Variants in ZDHHC2 observed in about 807,000 individuals in gnomAD.
The protein encoded by ZDHHC2 is palmitoyltransferase ZDHHC2.
Under a neutral mutation model 55.6 loss-of-function variants are expected in ZDHHC2, and 51 were observed. The ratio of observed to expected loss-of-function variants is 0.92; its 90% confidence interval spans 0.73 to 1.16. ZDHHC2 has a LOEUF of 1.16. Among genes scored for constraint, ZDHHC2 ranks in the 50% most tolerant of loss-of-function variants. ZDHHC2 has a pLI of 0.00. For synonymous variants in ZDHHC2, 199 were observed against 152.9 expected, an observed-to-expected ratio of 1.30 and a Z score of -2.22; for missense variants, 491 against 442.4, an observed-to-expected ratio of 1.11 and a Z score of -0.99.
intron 6 of ZDHHC2, among the ~76,000 whole-genome samples, chr8:17,199,595 CTTCTTTATTCTTT>C (rs1563161615): frequency 1.3e-3 from 49 of 39,096 alleles, no homozygotes; most frequent in Non-Finnish European, 4.5e-3. Context: ...CTTCTTTCTT[CTTCTTTATTCTTT>C]CTTCTTCTTC....
chr8:17,172,888 C>T lies in ZDHHC2; in HGVS notation c.131-11901C>T, dbSNP rs1349195250. 2.0e-5 allele frequency among the ~76,000 whole-genome samples: 3 copies of T among 152,284 alleles called. No homozygotes were observed. The East Asian group carries it at 5.8e-4, about 29-fold the overall frequency. ...AGGAACCCAGAGCCCGGTTCCTCCC[C>T]AAATTCTTGAAGTGGGATGGTTAGG... is the stretch of plus-strand genomic sequence containing the variant. On this transcript the variant is annotated intron_variant, in intron 1 of 12. Coordinates refer to ENST00000262096, the MANE Select transcript of ZDHHC2 (RefSeq NM_016353.5).
rs977033445 is a variant in ZDHHC2, at chr8:17,221,518, C to G, written c.*1297C>G. 24 of 152,296 alleles carry G rather than the reference C, an allele frequency of 1.6e-4. No homozygotes were observed. The highest frequency in any genetic ancestry group is 5.6e-4 in the African/African-American group (23 of 41,396). 9.4% of individuals were successfully genotyped at this position (152,296 alleles called of 1,614,324 possible). On this transcript the variant is annotated 3_prime_UTR_variant, in exon 13 of 13. Transcript: ENST00000262096. Reference sequence around the variant, plus strand: ...AGATTACCTTTTAAAACTGGACCAACTAAGTAATTGGTATTTAATCAAAGA... The same window carrying G: ...AGATTACCTTTTAAAACTGGACCAAGTAAGTAATTGGTATTTAATCAAAGA...
intron 1 of ZDHHC2, among the ~76,000 whole-genome samples, chr8:17,167,148 C>G (rs912035517): frequency 6.6e-6 from 1 of 151,986 alleles, no homozygotes; most frequent in African/African-American, 2.4e-5. Flanking sequence ...AAGATGAGTG[C>G]CAGCTAAACT....
At chr8:17,191,378 T>C (rs1305274151) in intron 3 of ZDHHC2, among the ~76,000 whole-genome samples, 1 of 152,242 alleles carries the variant, frequency 6.6e-6, no homozygotes, top group African/African-American at 2.4e-5. Context: ...ATTACAGGCA[T>C]AAGCCACTGC....
chr8:17,159,817 A>G (rs768346653), intron 1 of ZDHHC2, among the ~76,000 whole-genome samples: 2 of 152,188 alleles, frequency 1.3e-5, no homozygotes, highest in Non-Finnish European at 2.9e-5. Context: ...TTGTTGATTA[A>G]CGAGGCTCTT....
rs1404152022 is a variant in ZDHHC2, at chr8:17,222,952, T to TATAATGTAATCAATA, written c.*2731_*2732insATAATGTAATCAATA. The TATAATGTAATCAATA allele has an allele frequency of 6.6e-6, 1 of 151,814 alleles. No homozygotes were observed. The highest frequency in any genetic ancestry group is 1.5e-5 in the Non-Finnish European group (1 of 67,780). 9.4% of individuals were successfully genotyped at this position (151,814 alleles called of 1,614,324 possible). A position where few individuals can be genotyped will look rare whatever the true frequency, so the allele number is the denominator to read the frequency against. ...GACAATTAGAAACAGACTATAAAAC[T>TATAATGTAATCAATA]CAACTACACTGTAATCAATAGACAA... On this transcript the variant is annotated 3_prime_UTR_variant, in exon 13 of 13. Coordinates refer to ENST00000262096, the MANE Select transcript of ZDHHC2 (RefSeq NM_016353.5).
chr8:17,199,645 T>TCCTCCTCCTC (rs1554466273), intron 6 of ZDHHC2, among the ~76,000 whole-genome samples: 3 of 55,724 alleles, frequency 5.4e-5, no homozygotes, highest in Admixed American at 2.0e-4. Context: ...CTTCTCCTCC[T>TCCTCCTCCTC]CCTCCTCCCT....
At chr8:17,215,411 TA>T (rs945705646) in intron 11 of ZDHHC2, 62 bp downstream of exon 11, 14 of 1,364,340 alleles carry the variant, frequency 1.0e-5, no homozygotes, top group African/African-American at 1.5e-5. Context: ...TAAACGTGGT[TA>T]AAAAAAATCC....
At chr8:17,172,361 A>T (rs974980556) in intron 1 of ZDHHC2, among the ~76,000 whole-genome samples, 1 of 152,200 alleles carries the variant, frequency 6.6e-6, no homozygotes, top group Non-Finnish European at 1.5e-5. Flanking sequence ...CTCAAGCACA[A>T]CAGAGGTATC....
At chr8:17,205,843 G>A in intron 7 of ZDHHC2, 68 bp downstream of exon 7, 1 of 1,443,430 alleles carries the variant, frequency 6.9e-7, no homozygotes, top group Non-Finnish European at 9.3e-7. Context: ...TTTCAGAACA[G>A]AATTATTTCC....
At chr8:17,207,575 A>G (rs899359541) in intron 7 of ZDHHC2, among the ~76,000 whole-genome samples, 9 of 152,024 alleles carry the variant, frequency 5.9e-5, no homozygotes, top group Non-Finnish European at 1.0e-4. Context: ...TAATGAAACT[A>G]TTTAAACGTT....
chr8:17,205,881 T>C (rs1302687482), intron 7 of ZDHHC2, 106 bp downstream of exon 7: 5 of 1,113,802 alleles, frequency 4.5e-6, no homozygotes, highest in African/African-American at 3.2e-5. Flanking sequence ...CCAGAGCTCA[T>C]TGACATGCAG....
intron 1 of ZDHHC2, among the ~76,000 whole-genome samples, chr8:17,167,090 G>A (rs1280190921): frequency 1.3e-5 from 2 of 152,066 alleles, no homozygotes; most frequent in Non-Finnish European, 2.9e-5. Flanking sequence ...CTAACACAGA[G>A]GTTAACACGT....
At chr8:17,189,127 GTTTT>G (rs33942303) in intron 3 of ZDHHC2, among the ~76,000 whole-genome samples, 5 of 83,748 alleles carry the variant, frequency 6.0e-5, no homozygotes, top group Admixed American at 1.5e-4. Context: ...GTTTTGTTAT[GTTTT>G]TTTTTTTTTT....
chr8:17,214,160 G>A (rs1374312249), intron 10 of ZDHHC2, among the ~76,000 whole-genome samples: 1 of 151,612 alleles, frequency 6.6e-6, no homozygotes, highest in Non-Finnish European at 1.5e-5. Context: ...TAGTTTCTAT[G>A]CCAATAATGT....
chr8:17,181,870 A>T (rs978024747), intron 1 of ZDHHC2, among the ~76,000 whole-genome samples: 1 of 152,168 alleles, frequency 6.6e-6, no homozygotes, highest in Non-Finnish European at 1.5e-5. Flanking sequence ...TTGAGGCTAA[A>T]TTTGAGCAAT....
rs1161615598 is a variant in ZDHHC2, at chr8:17,209,937, T to C, written c.736T>C (p.Phe246Leu). The C allele has an allele frequency of 6.2e-7, 1 of 1,608,112 alleles. No individual in the cohort carries two copies. Among genetic ancestry groups the C allele is most frequent in the South Asian group, 1.1e-5 (1 of 89,676 alleles). ...VSKNKSTLEA[F>L]RSPVFRHGTD... is the part of the protein sequence containing the mutation. Reference sequence around the variant, plus strand: ...CCTTTACCATCTTTTTTTAGAGGCATTCAGAAGTCCAGTATTTCGACATGG... The same window carrying C: ...CCTTTACCATCTTTTTTTAGAGGCACTCAGAAGTCCAGTATTTCGACATGG... The change falls in exon 9 of 13, where the codon TTC becomes CTC. Residue 246 changes from phenylalanine (F) to leucine (L), a missense_variant. By Grantham distance (22) the Phe-to-Leu change is conservative. Transcript: ENST00000262096.
At chr8:17,196,692 C>T (rs2150923696) in intron 4 of ZDHHC2, among the ~76,000 whole-genome samples, 1 of 151,964 alleles carries the variant, frequency 6.6e-6, no homozygotes, top group African/African-American at 2.4e-5. Context: ...CACCTGAGGT[C>T]AGGAGTTTGA....
intron 5 of ZDHHC2, among the ~76,000 whole-genome samples, 188 bp from the exon 6 acceptor site, chr8:17,198,193 T>C (rs1806422974): frequency 6.6e-6 from 1 of 152,198 alleles, no homozygotes; most frequent in Non-Finnish European, 1.5e-5. Context: ...TATATTATTA[T>C]AAGAATTGGC....
Sources: allele counts gnomAD v4.1 joint callset (sites outside exome capture counted in the v4.1 genomes callset), GRCh38; gene constraint gnomAD v4.1.1; transcripts MANE v1.5; gene names NCBI Gene and HGNC (gene_info 2026-07-23, HGNC 2026-07-21).